SEMA3F: variants seen among roughly 807,000 people sequenced by gnomAD.
The protein encoded by SEMA3F is semaphorin 3F, also known as semaphorin-3F.
Under a neutral mutation model 98.5 loss-of-function variants are expected in SEMA3F, and 30 were observed. The observed-to-expected ratio is 0.30, with a 90% confidence interval of 0.23 to 0.41. The LOEUF (loss-of-function observed/expected upper bound fraction) is 0.41, where lower values mean the gene tolerates loss of function less well. Ranked by LOEUF, SEMA3F falls within the 10% of genes least tolerant of loss-of-function variation. The probability of loss-of-function intolerance (pLI) is 1.00; values close to 1 mark genes in which losing one functional copy is unlikely to be tolerated. For missense variants in SEMA3F, 866 were observed against 1,119.3 expected (o/e 0.77, Z 3.23); for synonymous variants, 380 against 444.8 (o/e 0.85, Z 1.83).
At position 50,182,944 on chromosome 3, in the gene SEMA3F, G is replaced by A; in HGVS notation, c.944G>A (p.Ser315Asn). ...GGHCCLVNKW[S>N]TFLKARLVCS... ...CACTGTTGCCTGGTCAACAAGTGGA[G>A]CACATTCCTGAAGGCGCGGCTCGTC... The change falls in exon 10 of 19, where the codon AGC becomes AAC. Residue 315 changes from serine to asparagine, a missense_variant. Physicochemically the swap from Ser to Asn is conservative, Grantham distance 46. Around this residue, in one of 3 missense-constraint regions of SEMA3F, gnomAD observed 374 missense variants for 582.8 expected, o/e 0.64. Coordinates refer to ENST00000002829, the MANE Select transcript of SEMA3F (RefSeq NM_004186.5). The surrounding 1 kb of genome is among the most constrained non-coding windows in gnomAD (Gnocchi z 4.5). 1 of 1,614,088 alleles carries A rather than the reference G, an allele frequency of 6.2e-7. No homozygotes were observed. Among genetic ancestry groups the A allele is most frequent in the Non-Finnish European group, 8.5e-7 (1 of 1,180,024 alleles).
chr3:50,171,253 T>G (rs1177846097), intron 2 of SEMA3F, among the ~76,000 whole-genome samples: 1 of 152,200 alleles, frequency 6.6e-6, no homozygotes, highest in East Asian at 1.9e-4. Flanking sequence ...CTGAGTGTTC[T>G]CTACGGCCTT....
At position 50,159,710 on chromosome 3, in the gene SEMA3F, C is replaced by G. The variant is rs1299627992; in HGVS notation, c.88C>G (p.Pro30Ala). Reference sequence around the variant, plus strand: ...CACCCAGGACCACCTCCCGGCCACGCCCCGGGTCCGGCTCTCATTCAAAGG... The same window carrying G: ...CACCCAGGACCACCTCCCGGCCACGGCCCGGGTCCGGCTCTCATTCAAAGG... ...FPTQDHLPAT[P>A]RVRLSFKELK... The change falls in exon 2 of 19, where the codon CCC becomes GCC. Residue 30 changes from proline to alanine, a missense_variant. By Grantham distance (27) the Pro-to-Ala change is conservative (BLOSUM62 -1). Transcript: ENST00000002829. 6.2e-7 allele frequency: 1 copy of G among 1,611,524 alleles called. No homozygotes were observed. The highest frequency in any genetic ancestry group is 1.3e-5 in the African/African-American group (1 of 74,992).
chr3:50,177,175 A>G (rs1698846660), intron 7 of SEMA3F, among the ~76,000 whole-genome samples: 2 of 152,224 alleles, frequency 1.3e-5, no homozygotes, highest in Admixed American at 6.5e-5. Flanking sequence ...TTCCTAGAAG[A>G]GAAGATAAGC....
rs971754428 is a variant in SEMA3F, at chr3:50,155,455, C to A, written c.-158C>A. On this transcript the variant is annotated 5_prime_UTR_variant, in exon 1 of 19. Coordinates refer to ENST00000002829, the MANE Select transcript of SEMA3F (RefSeq NM_004186.5). This position sits in a 1 kb window ranked among gnomAD's most constrained non-coding sequence, Gnocchi z 4.9. ...CGGCTGAGGCGCAGCGGCGAGAGGT[C>A]GCGGGCAGGGCCATGGCCCCGGGGG... 9 of 292,316 alleles carry A rather than the reference C, an allele frequency of 3.1e-5. No individual in the cohort carries two copies. The highest frequency in any genetic ancestry group is 1.5e-4 in the South Asian group (1 of 6,758). 18.1% of individuals were successfully genotyped at this position (292,316 alleles called of 1,614,324 possible).
chr3:50,171,361 T>C (rs1015810347), intron 2 of SEMA3F, among the ~76,000 whole-genome samples: 3 of 151,664 alleles, frequency 2.0e-5, no homozygotes, highest in African/African-American at 7.3e-5. Flanking sequence ...TGGTGCAGGG[T>C]TGATATTATA....
In SEMA3F at chr3:50,186,736, G is replaced by A. The variant is rs1174026804; in HGVS notation, c.1937G>A (p.Arg646Gln). The A allele has an allele frequency of 5.6e-6, 9 of 1,599,872 alleles. No individual in the cohort carries two copies. The highest frequency in any genetic ancestry group is 4.3e-6 in the Non-Finnish European group (5 of 1,169,002). Residue 646 changes from arginine (R) to glutamine (Q), a missense_variant, in exon 18 of 19, where the codon CGG becomes CAG. Physicochemically the swap from Arg to Gln is conservative, Grantham distance 43. This residue lies in a region of SEMA3F where 245 missense variants were observed against 260.5 expected (regional missense o/e 0.94). Coordinates refer to ENST00000002829, the MANE Select transcript of SEMA3F (RefSeq NM_004186.5). Reference sequence around the variant, plus strand: ...CTGTTCCAGCGAGATCCTGGTGACCGGCGCCGAGAGGTGAGTTCCTGCGCC... The same window carrying A: ...CTGTTCCAGCGAGATCCTGGTGACCAGCGCCGAGAGGTGAGTTCCTGCGCC... ...KWLFQRDPGDRRREIRAEDRF... is the reference protein window; with the variant it reads ...KWLFQRDPGDQRREIRAEDRF...
intron 2 of SEMA3F, among the ~76,000 whole-genome samples, chr3:50,161,444 C>T (rs967629691): frequency 3.3e-5 from 5 of 152,240 alleles, no homozygotes; most frequent in African/African-American, 9.6e-5. Flanking sequence ...CGCGTCAGGT[C>T]GATTCCCTCT....
chr3:50,185,880 T>G lies in SEMA3F; in HGVS notation c.1588-9T>G. 6.2e-7 allele frequency: 1 copy of G among 1,610,068 alleles called. No individual in the cohort carries two copies. Among genetic ancestry groups the G allele is most frequent in the Non-Finnish European group, 8.5e-7 (1 of 1,177,092 alleles). On this transcript the variant is annotated splice_polypyrimidine_tract_variant and intron_variant, in intron 15 of 18. Coordinates refer to ENST00000002829, the MANE Select transcript of SEMA3F (RefSeq NM_004186.5). ...ACAGGAACTGACAAGGCCCTACCCTTTGCCCCAGCAACAACTCTACGTGGC... is the reference window on the plus strand; with the variant it reads ...ACAGGAACTGACAAGGCCCTACCCTGTGCCCCAGCAACAACTCTACGTGGC...
intron 2 of SEMA3F, among the ~76,000 whole-genome samples, 183 bp from the exon 3 acceptor site, chr3:50,173,610 G>A (rs1291568952): frequency 5.9e-5 from 9 of 152,076 alleles, no homozygotes; most frequent in Non-Finnish European, 1.0e-4. Context: ...CTACTGTACT[G>A]CAGCCTGGGC....
intron 7 of SEMA3F, among the ~76,000 whole-genome samples, chr3:50,177,503 C>T (rs1191700554): frequency 6.6e-6 from 1 of 152,186 alleles, no homozygotes; most frequent in Non-Finnish European, 1.5e-5. Flanking sequence ...AGCTGTTGGG[C>T]ACTGTGCCAC....
At chr3:50,170,776 C>G (rs1337512593) in intron 2 of SEMA3F, among the ~76,000 whole-genome samples, 1 of 152,094 alleles carries the variant, frequency 6.6e-6, no homozygotes, top group Non-Finnish European at 1.5e-5. Flanking sequence ...CCCCACCATG[C>G]GCGACCTCCT....
At position 50,184,649 on chromosome 3, in the gene SEMA3F, G is replaced by T; in HGVS notation, c.1291G>T (p.Val431Leu). ...GTCCACCAAGGATTATCCTGATGAG[G>T]TGATCAACTTCATGCGCAGCCACCC... is the stretch of plus-strand genomic sequence containing the variant. ...MKSTKDYPDE[V>L]INFMRSHPLM... Residue 431 changes from valine to leucine, a missense_variant, in exon 13 of 19, where the codon GTG (valine) becomes TTG (leucine). Val to Leu is a conservative substitution (Grantham distance 32). Coordinates refer to ENST00000002829, the MANE Select transcript of SEMA3F (RefSeq NM_004186.5). 3 of 1,614,138 alleles carry T rather than the reference G, an allele frequency of 1.9e-6. No homozygotes were observed. The highest frequency in any genetic ancestry group is 2.5e-6 in the Non-Finnish European group (3 of 1,180,010).
At chr3:50,163,494 A>C (rs1698290987) in intron 2 of SEMA3F, among the ~76,000 whole-genome samples, 1 of 152,234 alleles carries the variant, frequency 6.6e-6, no homozygotes. Flanking sequence ...GCATCAGAGG[A>C]CCAAGGTTGC....
intron 11 of SEMA3F, 82 bp from the exon 12 acceptor site, chr3:50,183,338 C>A: frequency 6.2e-7 from 1 of 1,602,836 alleles, no homozygotes; most frequent in Non-Finnish European, 8.5e-7. Flanking sequence ...AGCCCGGTGG[C>A]GAGCTGTGGG....
At chr3:50,163,088 G>C (rs923574315) in intron 2 of SEMA3F, among the ~76,000 whole-genome samples, 1 of 152,222 alleles carries the variant, frequency 6.6e-6, no homozygotes, top group African/African-American at 2.4e-5. Context: ...GCTGTCCCAG[G>C]ACTGAGAGTG....
chr3:50,182,710 T>A lies in SEMA3F; in HGVS notation c.830T>A (p.Phe277Tyr), dbSNP rs1699058488. Residue 277 changes from phenylalanine (F) to tyrosine (Y), a missense_variant, in exon 9 of 19, where the codon TTC (phenylalanine) becomes TAC (tyrosine). Phe to Tyr is a conservative substitution (Grantham distance 22). This residue lies in a region of SEMA3F where 374 missense variants were observed against 582.8 expected (regional missense o/e 0.64). Coordinates refer to ENST00000002829, the MANE Select transcript of SEMA3F (RefSeq NM_004186.5). The surrounding 1 kb of genome is among the most constrained non-coding windows in gnomAD (Gnocchi z 4.5). ...GAGCGCAATGATGATAAGCTTTACT[T>A]CTTCTTCCGTGAGCGGTCGGCAGAG... ...SAERNDDKLY[F>Y]FFRERSAEAP... 2 of 1,613,636 alleles carry A rather than the reference T, an allele frequency of 1.2e-6. No individual in the cohort carries two copies. The highest frequency in any genetic ancestry group is 2.2e-5 in the East Asian group (1 of 44,880).
chr3:50,160,155 C>CT (rs1387888703), intron 2 of SEMA3F, among the ~76,000 whole-genome samples: 1 of 152,196 alleles, frequency 6.6e-6, no homozygotes, highest in Non-Finnish European at 1.5e-5. Context: ...GTTGGGCAGA[C>CT]ACTGGAACCT....
intron 7 of SEMA3F, among the ~76,000 whole-genome samples, chr3:50,178,925 G>T (rs1426952809): frequency 1.4e-5 from 2 of 146,678 alleles, no homozygotes; most frequent in Non-Finnish European, 3.0e-5. Flanking sequence ...TCCGCCTCCC[G>T]GGTTCACGCC....
At chr3:50,184,547 C>A (rs776539042) in intron 12 of SEMA3F, 45 bp from the exon 13 acceptor site, 2 of 1,489,878 alleles carry the variant, frequency 1.3e-6, no homozygotes, top group African/African-American at 1.4e-5. Context: ...CTCCAGCCTG[C>A]CCTGCCCAGG....
Sources: gnomAD v4.1 joint callset for allele counts (sites outside exome capture counted in the v4.1 genomes callset) on GRCh38, gnomAD v4.1.1 for gene constraint, gnomAD v4.1.1 regional missense constraint, Gnocchi (gnomAD v3.1) non-coding constraint, MANE v1.5 for transcripts, NCBI Gene and HGNC (gene_info 2026-07-23, HGNC 2026-07-21) for gene names.